FHDC1: variants seen among roughly 807,000 people sequenced by gnomAD.
FHDC1 encodes the protein FH2 domain-containing protein 1.
A neutral mutation model predicts 52.6 loss-of-function variants in FHDC1; 25 were observed. The ratio of observed to expected loss-of-function variants is 0.48; its 90% confidence interval spans 0.35 to 0.66. The LOEUF is 0.66. Ranked by LOEUF, FHDC1 falls within the 30% of genes least tolerant of loss-of-function variation. The pLI is 0.01. For missense variants in FHDC1, 1,459 were observed against 1,452.8 expected (o/e 1.00, Z -0.07); for synonymous variants, 616 against 581.5 (o/e 1.06, Z -0.85).
At position 152,975,256 on chromosome 4, in the gene FHDC1, G is replaced by C; in HGVS notation, c.1965G>C (p.Leu655=). 4 of 1,613,508 alleles carry C rather than the reference G, an allele frequency of 2.5e-6. No homozygotes were observed. The highest frequency in any genetic ancestry group is 3.4e-6 in the Non-Finnish European group (4 of 1,180,048). ...AGAGGTACAGTGAGCCGGTGAGCCTGGGCTCAGCACAGTCCCCTCCTCTCT... is the reference window on the plus strand; with the variant it reads ...AGAGGTACAGTGAGCCGGTGAGCCTCGGCTCAGCACAGTCCCCTCCTCTCT... ...LRKRYSEPVS[L]GSAQSPPLSP... The change falls in exon 12 of 12, where the codon CTG becomes CTC. Residue 655 remains leucine (L), a synonymous_variant. Transcript: ENST00000511601.
At position 152,954,272 on chromosome 4, in the gene FHDC1, T is replaced by A. The variant is rs1320595719; in HGVS notation, c.616T>A (p.Ser206Thr). ...TCAAGGAAAAAGTGAGCATTATGGA[T>A]CAGAGACCTTGCGAGAATTTCTTAA... Reference protein sequence around the residue: ...IHQGKSEHYGSETLREFLKFL... With the variant: ...IHQGKSEHYGTETLREFLKFL... Residue 206 changes from serine (S) to threonine (T), a missense_variant, in exon 4 of 12, where the codon TCA (serine) becomes ACA (threonine). Ser to Thr is a moderately conservative substitution (Grantham distance 58). Coordinates refer to ENST00000511601, the MANE Select transcript of FHDC1 (RefSeq NM_001371116.1). 6.2e-7 allele frequency: 1 copy of A among 1,614,064 alleles called. No individual in the cohort carries two copies. The highest frequency in any genetic ancestry group is 8.5e-7 in the Non-Finnish European group (1 of 1,180,018).
chr4:152,955,737 C>T (rs1740063577), intron 4 of FHDC1, among the ~76,000 whole-genome samples: 4 of 152,206 alleles, frequency 2.6e-5, no homozygotes, highest in Non-Finnish European at 5.9e-5. Context: ...CTTGGCCTCC[C>T]AAAGTGCTGG....
At chr4:152,968,626 A>G (rs1740540184) in intron 10 of FHDC1, among the ~76,000 whole-genome samples, 1 of 152,136 alleles carries the variant, frequency 6.6e-6, no homozygotes, top group Non-Finnish European at 1.5e-5. Flanking sequence ...CACCGCGCCC[A>G]GCCCAAGCCT....
intron 4 of FHDC1, among the ~76,000 whole-genome samples, chr4:152,957,898 C>T (rs770797740): frequency 4.6e-5 from 7 of 151,744 alleles, no homozygotes; most frequent in Non-Finnish European, 7.3e-5. Flanking sequence ...TTGTCCAGCA[C>T]GGAGTTCCCA....
intron 11 of FHDC1, 38 bp downstream of exon 11, chr4:152,972,579 A>G: frequency 1.9e-6 from 3 of 1,570,012 alleles, no homozygotes; most frequent in Non-Finnish European, 2.6e-6. Flanking sequence ...GGTTGTTTGG[A>G]TTTTTATTTT....
chr4:152,967,884 T>G, intron 9 of FHDC1, 96 bp from the exon 10 acceptor site: 2 of 848,768 alleles, frequency 2.4e-6, no homozygotes, highest in Non-Finnish European at 3.8e-6. Context: ...TCCCCTTCTG[T>G]TTCCAAGGTT....
the FHDC1 span, among the ~76,000 whole-genome samples, chr4:152,913,693 T>A: frequency 6.7e-3 from 1,007 of 151,418 alleles, 5 homozygotes; most frequent in Non-Finnish European, 7.6e-3. Context: ...TTATTTATTT[T>A]TTTTGAGACG....
At position 152,975,303 on chromosome 4, in the gene FHDC1, A is replaced by C. The variant is rs1486324694; in HGVS notation, c.2012A>C (p.Lys671Thr). 6.2e-6 allele frequency: 10 copies of C among 1,613,660 alleles called. No homozygotes were observed. The highest frequency in any genetic ancestry group is 8.5e-6 in the Non-Finnish European group (10 of 1,180,032). The change falls in exon 12 of 12, where the codon AAG (lysine) becomes ACG (threonine). Residue 671 changes from lysine (K) to threonine (T), a missense_variant. By Grantham distance (78) the Lys-to-Thr change is moderately conservative (BLOSUM62 -1). Coordinates refer to ENST00000511601, the MANE Select transcript of FHDC1 (RefSeq NM_001371116.1). ...CTCTCGCCATTGGCTCTGGGAATTA[A>C]GGAGCATGAGCTGGTGACAGGGCTG... ...PPLSPLALGI[K>T]EHELVTGLAQ... is the part of the protein sequence containing the mutation.
intron 2 of FHDC1, among the ~76,000 whole-genome samples, chr4:152,951,406 G>GAT (rs1381931458): frequency 6.6e-5 from 10 of 151,894 alleles, no homozygotes; most frequent in African/African-American, 2.2e-4. Flanking sequence ...GCAGTCCCCA[G>GAT]ATAGGATTCC....
intron 2 of FHDC1, among the ~76,000 whole-genome samples, chr4:152,951,304 T>A (rs1427400022): frequency 2.0e-5 from 3 of 152,232 alleles, no homozygotes; most frequent in African/African-American, 7.2e-5. Context: ...GATTCCTTTT[T>A]TGGTATGACC....
intron 2 of FHDC1, among the ~76,000 whole-genome samples, 153 bp downstream of exon 2, chr4:152,943,708 T>C (rs971513836): frequency 6.6e-6 from 1 of 152,192 alleles, no homozygotes; most frequent in Non-Finnish European, 1.5e-5. Context: ...GTCTTTACGA[T>C]GAGCTTGAGC....
In FHDC1 at chr4:152,971,846, C is replaced by G. The variant is rs574884953; in HGVS notation, c.1219-531C>G. Among the ~76,000 whole-genome samples, 145 of 152,202 alleles carry G rather than the reference C, an allele frequency of 9.5e-4. No homozygotes were observed. In the Middle Eastern group the frequency reaches 0.01, roughly 11 times the overall value. On this transcript the variant is annotated intron_variant, in intron 10 of 11. Transcript: ENST00000511601. ...TGGATCAGCACCCCGGGTTTAGGCA[C>G]GAGGGTTTTGGTCCTGTGGGGGTGA...
chr4:152,968,304 T>G (rs2149957384), intron 10 of FHDC1, among the ~76,000 whole-genome samples: 1 of 152,182 alleles, frequency 6.6e-6, no homozygotes, highest in South Asian at 2.1e-4. Context: ...TTTTTTTTTT[T>G]TGTCTCTTCG....
chr4:152,960,582 G>C lies in FHDC1; in HGVS notation c.681G>C (p.Ala227=), dbSNP rs374612781. The change falls in exon 5 of 12, where the codon GCG becomes GCC. Residue 227 remains alanine (A), a synonymous_variant. Coordinates refer to ENST00000511601, the MANE Select transcript of FHDC1 (RefSeq NM_001371116.1). ...TCTTTTAGGTAAAGAAGTTAAAAGC[G>C]TTTAGTGGCGACGTGTCGAAGCTGT... ...PESEEVKKLK[A]FSGDVSKLSL... is the part of the protein sequence containing the mutation. The C allele has an allele frequency of 6.2e-7, 1 of 1,613,932 alleles. No homozygotes were observed. The highest frequency in any genetic ancestry group is 1.1e-5 in the South Asian group (1 of 91,062).
At chr4:152,974,252 C>G (rs1417984830) in intron 11 of FHDC1, among the ~76,000 whole-genome samples, 4 of 152,184 alleles carry the variant, frequency 2.6e-5, no homozygotes, top group African/African-American at 9.7e-5. Context: ...ATAGCCCTTT[C>G]CTGGAAGTCC....
intron 9 of FHDC1, among the ~76,000 whole-genome samples, chr4:152,965,969 C>T (rs1333021600): frequency 6.6e-6 from 1 of 152,180 alleles, no homozygotes; most frequent in Non-Finnish European, 1.5e-5. Context: ...ACATGTCTTT[C>T]CCAAAGTGGG....
the FHDC1 span, among the ~76,000 whole-genome samples, chr4:152,912,707 T>A: frequency 6.6e-6 from 1 of 152,200 alleles, no homozygotes; most frequent in East Asian, 1.9e-4. Context: ...TTGGGGATGC[T>A]GGGTGTGAGA....
At chr4:152,952,897 C>T (rs967606043) in intron 2 of FHDC1, among the ~76,000 whole-genome samples, 1 of 152,072 alleles carries the variant, frequency 6.6e-6, no homozygotes, top group African/African-American at 2.4e-5. Context: ...TTTGAGAGGC[C>T]GAGGCAGGTG....
rs984106595 is a variant in FHDC1, at chr4:152,976,386, T to C, written c.3095T>C (p.Val1032Ala). The change falls in exon 12 of 12, where the codon GTC becomes GCC. Residue 1032 changes from valine to alanine, a missense_variant. By Grantham distance (64) the Val-to-Ala change is moderately conservative. This residue lies in a region of FHDC1 where 939 missense variants were observed against 854.5 expected (regional missense o/e 1.10). Coordinates refer to ENST00000511601, the MANE Select transcript of FHDC1 (RefSeq NM_001371116.1). ...AGCGTCCCCCACGAACTACCCCGTG[T>C]CCCGAGCTTTGCCCGGAACACAGTG... Reference protein sequence around the residue: ...VPSVPHELPRVPSFARNTVAS... With the variant: ...VPSVPHELPRAPSFARNTVAS... The C allele has an allele frequency of 6.2e-7, 1 of 1,613,586 alleles. No individual in the cohort carries two copies. Among genetic ancestry groups the C allele is most frequent in the Non-Finnish European group, 8.5e-7 (1 of 1,180,000 alleles).
Sources: gnomAD v4.1 joint callset for allele counts (sites outside exome capture counted in the v4.1 genomes callset) on GRCh38, gnomAD v4.1.1 for gene constraint, gnomAD v4.1.1 regional missense constraint, MANE v1.5 for transcripts, NCBI Gene and HGNC (gene_info 2026-07-23, HGNC 2026-07-21) for gene names.